SPDEF: variants seen among roughly 807,000 people sequenced by gnomAD.
SPDEF encodes SAM pointed domain-containing Ets transcription factor.
In SPDEF, 12 loss-of-function variants were observed where a neutral mutation model predicts 36.0. The ratio of observed to expected loss-of-function variants is 0.33; its 90% CI spans 0.21 to 0.54. The LOEUF (loss-of-function observed/expected upper bound fraction) is 0.54, where lower values mean the gene tolerates loss of function less well. Ranked by LOEUF, SPDEF falls within the 20% of genes least tolerant of loss-of-function variation. The probability of loss-of-function intolerance (pLI) is 0.93; values close to 1 mark genes in which losing one functional copy is unlikely to be tolerated. For synonymous variants in SPDEF, 205 were observed against 193.0 expected (o/e 1.06, Z -0.51); for missense variants, 388 against 456.9 (o/e 0.85, Z 1.37).
At position 34,544,126 on chromosome 6, in the gene SPDEF, G is replaced by C; in HGVS notation, c.330C>G (p.Gly110=). 6.2e-7 allele frequency: 1 copy of C among 1,613,800 alleles called. No homozygotes were observed. Among genetic ancestry groups the C allele is most frequent in the Non-Finnish European group, 8.5e-7 (1 of 1,179,918 alleles). The change falls in exon 2 of 6, where the codon GGC becomes GGG. Residue 110 remains glycine (G), a synonymous_variant. Coordinates refer to ENST00000374037, the MANE Select transcript of SPDEF (RefSeq NM_012391.3). The surrounding 1 kb of genome is among the most constrained non-coding windows in gnomAD (Gnocchi z 4.4). ...GCGAGTGCTCCTCCAAGGTCAGCCC[G>C]CCGGGCACCAAGTCCAGGCTGCCCG... The part of the protein sequence containing the change: ...APAGSLDLVP[G]GLTLEEHSLE...
chr6:34,547,090 G>A (rs1767971022), intron 1 of SPDEF, among the ~76,000 whole-genome samples: 2 of 150,522 alleles, frequency 1.3e-5, no homozygotes, highest in Admixed American at 6.6e-5. Flanking sequence ...CGTTAGGACA[G>A]TCTCTGCCAA....
At position 34,543,926 on chromosome 6, in the gene SPDEF, C is replaced by T. The variant is rs542737482; in HGVS notation, c.436+94G>A. ...CTGCCCGAGGCTGGGCCAGAGGTGG[C>T]CAGAGTCCATCCAGCAGTGCCCCGA... On this transcript the variant is annotated intron_variant, in intron 2 of 5. Coordinates refer to ENST00000374037, the MANE Select transcript of SPDEF (RefSeq NM_012391.3). The T allele has an allele frequency of 6.2e-6, 8 of 1,288,666 alleles. No individual in the cohort carries two copies. The South Asian group carries it at 7.1e-5, about 11-fold the overall frequency. 79.8% of individuals were successfully genotyped at this position (1,288,666 alleles called of 1,614,324 possible). A position where few individuals can be genotyped will look rare whatever the true frequency, so the allele number is the denominator to read the frequency against.
rs535626478 is a variant in SPDEF, at chr6:34,544,538, C to G, written c.-29-54G>C. 43 of 1,381,512 alleles carry G rather than the reference C, an allele frequency of 3.1e-5. No individual in the cohort carries two copies. Among genetic ancestry groups the G allele is most frequent in the Admixed American group, 1.4e-4 (5 of 36,772 alleles). The allele number at this position is 1,381,512 out of a possible 1,614,324, so 85.6% of individuals were successfully genotyped here. Reference sequence around the variant, plus strand: ...GACTGCTTCTCCATCCCTGTGGGGGCCGCTAAGCTGGTTATGGGGATGAGG... The same window carrying G: ...GACTGCTTCTCCATCCCTGTGGGGGGCGCTAAGCTGGTTATGGGGATGAGG... On this transcript the variant is annotated intron_variant, in intron 1 of 5. Transcript: ENST00000374037. The surrounding 1 kb of genome is among the most constrained non-coding windows in gnomAD (Gnocchi z 4.4).
chr6:34,553,002 G>A (rs1768094739), intron 1 of SPDEF, among the ~76,000 whole-genome samples: 1 of 152,112 alleles, frequency 6.6e-6, no homozygotes, highest in African/African-American at 2.4e-5. Flanking sequence ...CTGGAGCCCC[G>A]GGCTGGGCAG....
At chr6:34,543,900 G>T in intron 2 of SPDEF, 120 bp downstream of exon 2, 3 of 955,292 alleles carry the variant, frequency 3.1e-6, no homozygotes, top group Non-Finnish European at 1.5e-6. Context: ...CATCCCCAAA[G>T]CTGCCCGAGG....
Sources: allele counts gnomAD v4.1 joint callset (sites outside exome capture counted in the v4.1 genomes callset), GRCh38; gene constraint gnomAD v4.1.1; non-coding constraint Gnocchi (gnomAD v3.1); transcripts MANE v1.5; gene names NCBI Gene and HGNC (gene_info 2026-07-23, HGNC 2026-07-21).